Variants in OSBPL1A observed in about 807,000 individuals in gnomAD.
The protein encoded by OSBPL1A is oxysterol-binding protein-related protein 1.
Under a neutral mutation model 137.1 loss-of-function variants are expected in OSBPL1A, and 80 were observed. The observed-to-expected ratio is 0.58, with a 90% CI of 0.49 to 0.70. The LOEUF (loss-of-function observed/expected upper bound fraction) is 0.70, where lower values mean the gene tolerates loss of function less well. OSBPL1A is among the 30% of genes least tolerant of loss of function. OSBPL1A has a pLI of 0.00. For synonymous variants in OSBPL1A, 365 were observed against 389.7 expected (o/e 0.94, Z 0.75); for missense variants, 970 against 1,129.4 (o/e 0.86, Z 2.02).
chr18:24,244,502 A>G (rs2088822807), intron 15 of OSBPL1A, among the ~76,000 whole-genome samples: 1 of 152,240 alleles, frequency 6.6e-6, no homozygotes, highest in South Asian at 2.1e-4. Flanking sequence ...AAATCAACAT[A>G]CATTCAAGTT....
chr18:24,258,619 G>A (rs1018097881), intron 15 of OSBPL1A, among the ~76,000 whole-genome samples: 11 of 152,242 alleles, frequency 7.2e-5, no homozygotes, highest in South Asian at 2.1e-4. Context: ...CTTTATAATT[G>A]GATTGTTTAT....
At chr18:24,284,752 G>A (rs994569724) in intron 14 of OSBPL1A, among the ~76,000 whole-genome samples, 3 of 152,040 alleles carry the variant, frequency 2.0e-5, no homozygotes, top group African/African-American at 7.3e-5. Context: ...CAAAATATTG[G>A]TGAATATTGG....
intron 4 of OSBPL1A, among the ~76,000 whole-genome samples, chr18:24,348,203 AAAGAT>A (rs1415145763): frequency 6.6e-6 from 1 of 152,166 alleles, no homozygotes; most frequent in African/African-American, 2.4e-5. Flanking sequence ...TATCCACTTA[AAAGAT>A]AATATATTAG....
chr18:24,308,858 C>T (rs1308248401), intron 13 of OSBPL1A, among the ~76,000 whole-genome samples: 1 of 152,004 alleles, frequency 6.6e-6, no homozygotes, highest in Non-Finnish European at 1.5e-5. Flanking sequence ...TGCGCCCCGC[C>T]CCGCTGGGTT....
In OSBPL1A at chr18:24,239,067, A is replaced by T. The variant is rs969249230; in HGVS notation, c.1444+153T>A. Among the ~76,000 whole-genome samples the T allele has an allele frequency of 2.8e-4, 42 of 152,222 alleles. 1 individual carries two copies. The highest frequency in any genetic ancestry group is 9.4e-4 in the African/African-American group (39 of 41,460). The stretch of plus-strand genomic sequence containing the variant: ...GCCTTAATAACATGACACACAAAAA[A>T]TCTGGGGAGCTATACCAATACATCG... On this transcript the variant is annotated intron_variant, in intron 16 of 27. Transcript: ENST00000319481.
At chr18:24,320,984 C>T (rs1200146542) in intron 7 of OSBPL1A, among the ~76,000 whole-genome samples, 3 of 146,066 alleles carry the variant, frequency 2.1e-5, no homozygotes, top group African/African-American at 5.1e-5. Flanking sequence ...GCTGAGATCG[C>T]GCCATTGCAC....
intron 4 of OSBPL1A, among the ~76,000 whole-genome samples, chr18:24,351,184 C>T (rs2091431828): frequency 6.6e-6 from 1 of 151,540 alleles, no homozygotes; most frequent in African/African-American, 2.4e-5. Context: ...CCTGTCTCTA[C>T]TAAAAAATAG....
intron 17 of OSBPL1A, among the ~76,000 whole-genome samples, chr18:24,199,678 AAG>A (rs749439779): frequency 2.6e-5 from 4 of 152,212 alleles, no homozygotes; most frequent in Non-Finnish European, 5.9e-5. Context: ...TGTGCTACTC[AAG>A]AGAGAAGGAC....
intron 15 of OSBPL1A, among the ~76,000 whole-genome samples, chr18:24,256,439 C>T (rs1332110215): frequency 2.0e-5 from 3 of 151,734 alleles, no homozygotes; most frequent in African/African-American, 2.4e-5. Flanking sequence ...TGACAAAAAC[C>T]CTCAAAAAAC....
chr18:24,388,339 C>T (rs571028427), intron 1 of OSBPL1A, among the ~76,000 whole-genome samples: 5 of 152,170 alleles, frequency 3.3e-5, no homozygotes, highest in African/African-American at 7.2e-5. Context: ...ATTAGTTAAC[C>T]GGATGGATGG....
chr18:24,316,394 A>T (rs1317350228), intron 11 of OSBPL1A, among the ~76,000 whole-genome samples: 1 of 152,216 alleles, frequency 6.6e-6, no homozygotes, highest in Non-Finnish European at 1.5e-5. Context: ...GGTAATAGGA[A>T]CTAAAACATA....
chr18:24,337,147 C>A (rs964595538), intron 5 of OSBPL1A, among the ~76,000 whole-genome samples: 6 of 152,018 alleles, frequency 3.9e-5, no homozygotes, highest in Non-Finnish European at 8.8e-5. Context: ...AAGAGAAAAA[C>A]CAAAATCAAG....
chr18:24,271,826 C>T lies in OSBPL1A; in HGVS notation c.1281+9016G>A. 1.0e-6 allele frequency: 1 copy of T among 985,408 alleles called. No homozygotes were observed. The highest frequency in any genetic ancestry group is 1.2e-6 in the Non-Finnish European group (1 of 830,016). The allele number at this position is 985,408 out of a possible 1,614,324, so 61.0% of individuals were successfully genotyped here. ...GCCCCTGGCTCCGGCCGGGCAGCAG[C>T]GCCAGCCTTCCCCAGCGAGGTCGGG... On this transcript the variant is annotated intron_variant, in intron 15 of 27. Transcript: ENST00000319481. The surrounding 1 kb of genome is among the most constrained non-coding windows in gnomAD (Gnocchi z 4.0).
At chr18:24,273,880 G>A (rs1255388102) in intron 15 of OSBPL1A, among the ~76,000 whole-genome samples, 2 of 152,104 alleles carry the variant, frequency 1.3e-5, no homozygotes, top group East Asian at 1.9e-4. Flanking sequence ...CAGCAATGGG[G>A]AACTGTATGC....
chr18:24,228,224 C>T lies in OSBPL1A; in HGVS notation c.1445-3026G>A, dbSNP rs111283953. Among the ~76,000 whole-genome samples, 1,237 of 151,490 alleles carry T rather than the reference C, an allele frequency of 8.2e-3. 13 individuals are homozygous for T. The highest frequency in any genetic ancestry group is 0.028 in the African/African-American group (1,148 of 41,184). On this transcript the variant is annotated intron_variant, in intron 16 of 27. Transcript: ENST00000319481. ...CTGTGATTAGCAGCCCGACTCACCC[C>T]CTCTGTGCCCCCTCTTTGTCCTTAC... is the stretch of plus-strand genomic sequence containing the variant.
At chr18:24,376,529 C>T (rs1419864011) in intron 2 of OSBPL1A, among the ~76,000 whole-genome samples, 3 of 152,258 alleles carry the variant, frequency 2.0e-5, no homozygotes, top group Non-Finnish European at 4.4e-5. Context: ...CAGTGGATCC[C>T]GCACTGGGGC....
intron 14 of OSBPL1A, among the ~76,000 whole-genome samples, chr18:24,300,196 T>C (rs1352435729): frequency 6.6e-6 from 1 of 152,206 alleles, no homozygotes; most frequent in African/African-American, 2.4e-5. Flanking sequence ...AAATTAGGTT[T>C]AAGGTCCACT....
rs534170182 is a variant in OSBPL1A, at chr18:24,249,928, G to A, written c.1282-10546C>T. ...CTGACCTAGGAAGTCACTGGCCAAG[G>A]TGGCTAAAGGAGTGATTGCACCATC... On this transcript the variant is annotated intron_variant, in intron 15 of 27. Coordinates refer to ENST00000319481, the MANE Select transcript of OSBPL1A (RefSeq NM_080597.4). 7.9e-5 allele frequency among the ~76,000 whole-genome samples: 12 copies of A among 152,270 alleles called. 1 individual carries two copies. In the South Asian group the frequency reaches 2.5e-3, roughly 32 times the overall value.
At chr18:24,372,936 C>A (rs1237548484) in intron 2 of OSBPL1A, among the ~76,000 whole-genome samples, 1 of 151,938 alleles carries the variant, frequency 6.6e-6, no homozygotes, top group Non-Finnish European at 1.5e-5. Flanking sequence ...TGATGGTGGG[C>A]GCCTGTAGTC....
Sources: allele counts gnomAD v4.1 joint callset (sites outside exome capture counted in the v4.1 genomes callset), GRCh38; gene constraint gnomAD v4.1.1; non-coding constraint Gnocchi (gnomAD v3.1); transcripts MANE v1.5; gene names NCBI Gene and HGNC (gene_info 2026-07-23, HGNC 2026-07-21).